Variants in LRP1B observed in about 807,000 individuals in gnomAD.
LRP1B encodes low-density lipoprotein receptor-related protein 1B.
LRP1B carries 217 observed loss-of-function variants against 556.6 expected under a neutral mutation model. That is an observed-to-expected ratio of 0.39 (90% CI 0.35 to 0.44). LRP1B has a LOEUF of 0.44. Among genes scored for constraint, LRP1B ranks in the 20% least tolerant of loss-of-function variants. LRP1B has a pLI of 1.00. For missense variants in LRP1B, 5,053 were observed against 5,620.8 expected, an observed-to-expected ratio of 0.90 and a Z score of 3.23; for synonymous variants, 2,047 against 1,865.8, an observed-to-expected ratio of 1.10 and a Z score of -2.50.
intron 21 of LRP1B, among the ~76,000 whole-genome samples, chr2:140,918,223 G>T (rs1260299146): frequency 2.0e-5 from 3 of 150,458 alleles, no homozygotes; most frequent in Non-Finnish European, 4.4e-5. Context: ...TGTGTGTAGA[G>T]AATGCTTTTT....
At chr2:140,376,795 C>T (rs1683252000) in intron 68 of LRP1B, among the ~76,000 whole-genome samples, 1 of 152,100 alleles carries the variant, frequency 6.6e-6, no homozygotes, top group East Asian at 1.9e-4. Context: ...TTGTCCAGTC[C>T]TACAGGGAAT....
At chr2:141,859,182 T>C (rs935396710) in intron 1 of LRP1B, among the ~76,000 whole-genome samples, 2 of 152,232 alleles carry the variant, frequency 1.3e-5, no homozygotes, top group Non-Finnish European at 2.9e-5. Context: ...AATTGTTTTG[T>C]CCCTTAAATA....
chr2:141,472,921 A>C (rs767007792), intron 3 of LRP1B, among the ~76,000 whole-genome samples: 2 of 152,186 alleles, frequency 1.3e-5, no homozygotes, highest in African/African-American at 2.4e-5. Flanking sequence ...CAAAGATGTA[A>C]ATCTATGACA....
intron 18 of LRP1B, among the ~76,000 whole-genome samples, chr2:140,962,859 A>G (rs2105317262): frequency 6.6e-6 from 1 of 152,278 alleles, no homozygotes; most frequent in South Asian, 2.1e-4. Flanking sequence ...ACTGAAAGGA[A>G]CAAGAGAGAG....
rs757071171 is a variant in LRP1B at position 140,867,642 on chromosome 2, G to A, written c.4527C>T (p.Thr1509=). ...TCTGAAGGTCAAATGGCTGTGCACT[G>A]GTTTTCTGAATCACACTGACATTCT... ...TGQNVSVIQK[T]SAQPFDLQIY... The change falls in exon 27 of 91, where the codon ACC becomes ACT. Residue 1509 remains threonine, a synonymous_variant. Coordinates refer to ENST00000389484, the MANE Select transcript of LRP1B (RefSeq NM_018557.3). The A allele has an allele frequency of 1.1e-5, 18 of 1,613,408 alleles. No individual in the cohort carries two copies. The highest frequency in any genetic ancestry group is 1.5e-5 in the Non-Finnish European group (18 of 1,179,572).
chr2:141,655,600 A>G (rs1050794636), intron 2 of LRP1B, among the ~76,000 whole-genome samples: 12 of 152,148 alleles, frequency 7.9e-5, no homozygotes, highest in Non-Finnish European at 1.8e-4. Flanking sequence ...TGATTTATTT[A>G]TGTGTTTTAA....
At chr2:141,437,232 G>T (rs1680794822) in intron 3 of LRP1B, among the ~76,000 whole-genome samples, 1 of 152,080 alleles carries the variant, frequency 6.6e-6, no homozygotes, top group Non-Finnish European at 1.5e-5. Context: ...TTCTGTGTCT[G>T]CTAAGAAAAG....
At chr2:141,382,906 C>A (rs1396724173) in intron 3 of LRP1B, among the ~76,000 whole-genome samples, 2 of 150,994 alleles carry the variant, frequency 1.3e-5, no homozygotes, top group Non-Finnish European at 3.0e-5. Flanking sequence ...TTTTGCCTAG[C>A]AAAGGAAAAA....
intron 2 of LRP1B, among the ~76,000 whole-genome samples, chr2:141,481,364 T>C (rs370978399): frequency 3.7e-4 from 57 of 152,240 alleles, no homozygotes; most frequent in African/African-American, 1.4e-3. Flanking sequence ...CAAATCCCCA[T>C]ATGATTCTTA....
intron 35 of LRP1B, among the ~76,000 whole-genome samples, chr2:140,727,391 G>A (rs1452636250): frequency 5.9e-5 from 9 of 152,110 alleles, no homozygotes; most frequent in Non-Finnish European, 1.0e-4. Context: ...GTCTCCACAC[G>A]TATATCACCC....
At chr2:141,803,069 T>C (rs1458519600) in intron 2 of LRP1B, among the ~76,000 whole-genome samples, 1 of 151,982 alleles carries the variant, frequency 6.6e-6, no homozygotes, top group South Asian at 2.1e-4. Flanking sequence ...CTGAGGGACA[T>C]GTGTCCCCTT....
In LRP1B at chr2:141,970,594, T is replaced by C. The variant is rs114208113; in HGVS notation, c.82+160054A>G. Reference sequence around the variant, plus strand: ...TAATATTATGAAAAGTATTCACTAATAAATGCATCTGTAACTGTAAGTATA... The same window carrying C: ...TAATATTATGAAAAGTATTCACTAACAAATGCATCTGTAACTGTAAGTATA... On this transcript the variant is annotated intron_variant, in intron 1 of 90. Coordinates refer to ENST00000389484, the MANE Select transcript of LRP1B (RefSeq NM_018557.3). 4.0e-3 allele frequency among the ~76,000 whole-genome samples: 604 copies of C among 151,640 alleles called. 9 individuals are homozygous for C. Among genetic ancestry groups the C allele is most frequent in the African/African-American group, 0.014 (581 of 41,500 alleles).
At chr2:140,447,925 T>C (rs984204362) in intron 63 of LRP1B, among the ~76,000 whole-genome samples, 1 of 152,088 alleles carries the variant, frequency 6.6e-6, no homozygotes, top group African/African-American at 2.4e-5. Flanking sequence ...AGTGGGTTGG[T>C]AGGCAGCCAG....
At position 142,055,147 on chromosome 2, in the gene LRP1B, G is replaced by T. The variant is rs974818378; in HGVS notation, c.82+75501C>A. Among the ~76,000 whole-genome samples, 11 of 152,034 alleles carry T rather than the reference G, an allele frequency of 7.2e-5. No individual in the cohort carries two copies. In the South Asian group the frequency reaches 2.3e-3, roughly 32 times the overall value. On this transcript the variant is annotated intron_variant, in intron 1 of 90. Transcript: ENST00000389484. Reference sequence around the variant, plus strand: ...TTTTTCTCCCATTATGGAGCTAAGGGTCTAGAGGCAAACAGAGGAGGAGGA... The same window carrying T: ...TTTTTCTCCCATTATGGAGCTAAGGTTCTAGAGGCAAACAGAGGAGGAGGA...
chr2:141,294,455 G>T (rs748447581), intron 3 of LRP1B, among the ~76,000 whole-genome samples: 16 of 151,988 alleles, frequency 1.1e-4, no homozygotes, highest in Admixed American at 6.6e-4. Flanking sequence ...GGGTGCTGTG[G>T]CTCATGCCTG....
chr2:142,049,665 C>A (rs926688675), intron 1 of LRP1B, among the ~76,000 whole-genome samples: 1 of 152,054 alleles, frequency 6.6e-6, no homozygotes, highest in African/African-American at 2.4e-5. Context: ...TAAAAGGTTT[C>A]ATCCACTGCT....
chr2:141,953,956 G>T (rs1701180102), intron 1 of LRP1B, among the ~76,000 whole-genome samples: 1 of 151,992 alleles, frequency 6.6e-6, no homozygotes, highest in South Asian at 2.1e-4. Context: ...GTAATAACTT[G>T]TCAATTAAAA....
intron 7 of LRP1B, among the ~76,000 whole-genome samples, chr2:141,157,525 A>G (rs1171030918): frequency 6.6e-6 from 1 of 152,064 alleles, no homozygotes; most frequent in Non-Finnish European, 1.5e-5. Flanking sequence ...CCCATCTATC[A>G]TTTTTATATT....
chr2:141,658,588 G>A (rs1690100403), intron 2 of LRP1B, among the ~76,000 whole-genome samples: 1 of 152,164 alleles, frequency 6.6e-6, no homozygotes, highest in Admixed American at 6.5e-5. Context: ...GGTGAATGCA[G>A]CTATACAACT....
Sources: allele counts gnomAD v4.1 joint callset (sites outside exome capture counted in the v4.1 genomes callset), GRCh38; gene constraint gnomAD v4.1.1; transcripts MANE v1.5; gene names NCBI Gene and HGNC (gene_info 2026-07-23, HGNC 2026-07-21).